DNAH9: variants seen among roughly 807,000 people sequenced by gnomAD.
DNAH9 encodes the protein DNAH9 variant protein.
In DNAH9, 345 loss-of-function variants were observed where a neutral mutation model predicts 471.6. The observed-to-expected ratio is 0.73, with a 90% CI of 0.67 to 0.80. The LOEUF (loss-of-function observed/expected upper bound fraction) is 0.80, where lower values mean the gene tolerates loss of function less well. DNAH9 is among the 30% of genes least tolerant of loss of function. The probability of loss-of-function intolerance (pLI) is 0.00; values close to 1 mark genes in which losing one functional copy is unlikely to be tolerated. For missense variants in DNAH9, 5,407 were observed against 5,609.2 expected (o/e 0.96, Z 1.15); for synonymous variants, 2,093 against 2,123.6 (o/e 0.99, Z 0.40).
intron 38 of DNAH9, among the ~76,000 whole-genome samples, chr17:11,772,052 T>G (rs1347849149): frequency 6.6e-6 from 1 of 152,186 alleles, no homozygotes; most frequent in Non-Finnish European, 1.5e-5. Context: ...GCCTGTGCTC[T>G]TAACCACTAG....
intron 14 of DNAH9, among the ~76,000 whole-genome samples, chr17:11,662,387 CTG>C (rs553050645): frequency 2.0e-3 from 300 of 152,128 alleles, no homozygotes; most frequent in African/African-American, 7.1e-3. Flanking sequence ...ATTTCAATAT[CTG>C]TGTTATTTTC....
chr17:11,952,368 G>A (rs1975413402), intron 67 of DNAH9, among the ~76,000 whole-genome samples: 1 of 126,778 alleles, frequency 7.9e-6, no homozygotes, highest in African/African-American at 3.0e-5. Flanking sequence ...GTGTTTCCCA[G>A]GCTGGTTTCA....
At chr17:11,669,827 G>A in intron 17 of DNAH9, 33 bp downstream of exon 17, 1 of 1,573,352 alleles carries the variant, frequency 6.4e-7, no homozygotes, top group Non-Finnish European at 8.7e-7. Context: ...CTTCCAGCAT[G>A]CTAGGCTGTG....
At chr17:11,670,687 C>T (rs967328915) in intron 17 of DNAH9, among the ~76,000 whole-genome samples, 2 of 150,876 alleles carry the variant, frequency 1.3e-5, no homozygotes, top group Non-Finnish European at 1.5e-5. Flanking sequence ...CTAGGAAACC[C>T]CAAGAACGCT....
chr17:11,708,920 AAT>A (rs1296126076), intron 26 of DNAH9, among the ~76,000 whole-genome samples: 1 of 152,134 alleles, frequency 6.6e-6, no homozygotes, highest in Non-Finnish European at 1.5e-5. Flanking sequence ...GCACTCAAGA[AAT>A]ACTCCTTGAG....
chr17:11,698,182 T>TATTAATATTAATTATA lies in DNAH9; in HGVS notation c.4873-1549_4873-1548insATTAATATTAATTATA, dbSNP rs369729599. 1.7e-5 allele frequency among the ~76,000 whole-genome samples: 2 copies of TATTAATATTAATTATA among 120,350 alleles called. 1 individual carries two copies. The highest frequency in any genetic ancestry group is 4.7e-4 in the South Asian group (2 of 4,270). 79.0% of individuals were successfully genotyped at this position (120,350 alleles called of 152,430 possible). A position where few individuals can be genotyped will look rare whatever the true frequency, so the allele number is the denominator to read the frequency against. ...AATATATTATTATATTAATATATTA[T>TATTAATATTAATTATA]TATATTAATATAATAATATATTAAT... On this transcript the variant is annotated intron_variant, in intron 22 of 68. Coordinates refer to ENST00000262442, the MANE Select transcript of DNAH9 (RefSeq NM_001372.4).
At chr17:11,654,355 C>CAAAAAAAAAAAAAAAAAAAAAAAAAAA (rs527835262) in intron 14 of DNAH9, among the ~76,000 whole-genome samples, 1 of 11,258 alleles carries the variant, frequency 8.9e-5, no homozygotes. Flanking sequence ...GACTCCGTCT[C>CAAAAAAAAAAAAAAAAAAAAAAAAAAA]AAAAAAAAAA....
At chr17:11,769,097 C>A (rs781104511) in intron 37 of DNAH9, 25 bp from the exon 38 acceptor site, 1 of 1,612,446 alleles carries the variant, frequency 6.2e-7, no homozygotes, top group Non-Finnish European at 8.5e-7. Flanking sequence ...CCACCCTTGG[C>A]AGGCTTATTG....
chr17:11,800,923 CAGAG>C (rs1969432604), intron 43 of DNAH9, among the ~76,000 whole-genome samples: 1 of 152,084 alleles, frequency 6.6e-6, no homozygotes, highest in Admixed American at 6.5e-5. Context: ...CAGAGGAAAA[CAGAG>C]AGGGAAGGGG....
In DNAH9 at chr17:11,752,943, G is replaced by C; in HGVS notation, c.6721G>C (p.Val2241Leu). ...DPMWIESLNTVMDDNKVLTLA... is the reference protein window; with the variant it reads ...DPMWIESLNTLMDDNKVLTLA... ...AATGTGGATTGAATCCCTGAATACT[G>C]TCATGGATGATAACAAGGTATGAAA... is the stretch of plus-strand genomic sequence containing the variant. The change falls in exon 33 of 69, where the codon GTC (valine) becomes CTC (leucine). Residue 2241 changes from valine (V) to leucine (L), a missense_variant. Val to Leu is a conservative substitution (Grantham distance 32). This residue lies in a region of DNAH9 where 4,636 missense variants were observed against 4,900.3 expected (regional missense o/e 0.95). Transcript: ENST00000262442. The C allele has an allele frequency of 6.3e-7, 1 of 1,594,668 alleles. No homozygotes were observed. The highest frequency in any genetic ancestry group is 1.3e-5 in the African/African-American group (1 of 74,322).
chr17:11,767,140 A>G (rs904346602), intron 36 of DNAH9, among the ~76,000 whole-genome samples: 5 of 152,272 alleles, frequency 3.3e-5, no homozygotes, highest in African/African-American at 2.4e-5. Flanking sequence ...TAGCTGGGAA[A>G]TTGCCAGGCA....
chr17:11,826,359 G>GC (rs1555604388), intron 48 of DNAH9, among the ~76,000 whole-genome samples: 2 of 38,562 alleles, frequency 5.2e-5, no homozygotes, highest in Admixed American at 2.7e-4. Flanking sequence ...GCCGGAAGCT[G>GC]GGGGGGTAAT....
At chr17:11,624,791 G>C (rs1480352307) in intron 6 of DNAH9, among the ~76,000 whole-genome samples, 1 of 151,894 alleles carries the variant, frequency 6.6e-6, no homozygotes, top group African/African-American at 2.4e-5. Flanking sequence ...TCCCAAACTG[G>C]TTTTGTGGTT....
intron 17 of DNAH9, among the ~76,000 whole-genome samples, chr17:11,672,176 T>TC (rs1370123134): frequency 6.6e-6 from 1 of 152,184 alleles, no homozygotes; most frequent in African/African-American, 2.4e-5. Flanking sequence ...CTGCCAGAAG[T>TC]CCAACCCCCT....
intron 59 of DNAH9, among the ~76,000 whole-genome samples, chr17:11,900,563 C>T (rs2151011476): frequency 6.6e-6 from 1 of 150,844 alleles, no homozygotes; most frequent in South Asian, 2.1e-4. Flanking sequence ...CAGCAGAATT[C>T]TACATACCTA....
At chr17:11,762,770 G>GTTTTTTTTGT (rs1555584658) in intron 35 of DNAH9, among the ~76,000 whole-genome samples, 4 of 90,744 alleles carry the variant, frequency 4.4e-5, no homozygotes, top group African/African-American at 1.2e-4. Flanking sequence ...TTTTTTTTTT[G>GTTTTTTTTGT]TTTTTTTTTT....
intron 45 of DNAH9, among the ~76,000 whole-genome samples, chr17:11,812,057 A>ATG (rs1969947708): frequency 3.7e-5 from 1 of 26,932 alleles, no homozygotes; most frequent in African/African-American, 2.1e-4. Flanking sequence ...ATATATATAC[A>ATG]CATACATACA....
chr17:11,751,157 C>A (rs1967133199), intron 32 of DNAH9, among the ~76,000 whole-genome samples: 1 of 151,706 alleles, frequency 6.6e-6, no homozygotes, highest in African/African-American at 2.4e-5. Context: ...AATAAAATTT[C>A]TTCATTAAGA....
chr17:11,834,726 G>T lies in DNAH9; in HGVS notation c.9335G>T (p.Gly3112Val). Residue 3112 changes from glycine to valine, a missense_variant, in exon 49 of 69, where the codon GGT becomes GTT. Coordinates refer to ENST00000262442, the MANE Select transcript of DNAH9 (RefSeq NM_001372.4). ...EDADKLIQVV[G>V]VETDKVSREK... ...GCAGACAAACTGATTCAGGTCGTGG[G>T]TGTGGAGACTGACAAAGTGAGCAGA... 1 of 1,614,134 alleles carries T rather than the reference G, an allele frequency of 6.2e-7. No homozygotes were observed. The highest frequency in any genetic ancestry group is 8.5e-7 in the Non-Finnish European group (1 of 1,180,008).
Sources: allele counts gnomAD v4.1 joint callset (sites outside exome capture counted in the v4.1 genomes callset), GRCh38; gene constraint gnomAD v4.1.1; regional missense constraint gnomAD v4.1.1; transcripts MANE v1.5; gene names NCBI Gene and HGNC (gene_info 2026-07-23, HGNC 2026-07-21).